GK5: variants seen among roughly 807,000 people sequenced by gnomAD.
GK5 encodes the protein glycerol kinase 5, also known as ATP:glycerol 3-phosphotransferase 5.
In GK5, 39 loss-of-function variants were observed where a neutral mutation model predicts 77.3. The observed-to-expected ratio is 0.50, with a 90% CI of 0.39 to 0.66. The LOEUF is 0.66. GK5 is among the 30% of genes least tolerant of loss of function. The probability of loss-of-function intolerance (pLI) is 0.00; values close to 1 mark genes in which losing one functional copy is unlikely to be tolerated. For missense variants in GK5, 487 were observed against 633.8 expected, an observed-to-expected ratio of 0.77 and a Z score of 2.49; for synonymous variants, 211 against 208.0, an observed-to-expected ratio of 1.01 and a Z score of -0.13.
intron 11 of GK5, 87 bp downstream of exon 11, chr3:142,181,374 C>A: frequency 1.5e-6 from 1 of 661,304 alleles, no homozygotes; most frequent in Non-Finnish European, 2.6e-6. Flanking sequence ...TTTGAACAAT[C>A]CATTTGCTTC....
chr3:142,199,751 T>A (rs2063989430), intron 4 of GK5, among the ~76,000 whole-genome samples: 1 of 150,992 alleles, frequency 6.6e-6, no homozygotes, highest in African/African-American at 2.4e-5. Flanking sequence ...AGTTTTAAGG[T>A]CTTTAAGACA....
At chr3:142,213,056 G>A (rs185239384) in intron 3 of GK5, among the ~76,000 whole-genome samples, 5 of 151,788 alleles carry the variant, frequency 3.3e-5, no homozygotes, top group Admixed American at 3.3e-4. Flanking sequence ...GGATGGTCTC[G>A]ATCTCCTGAC....
chr3:142,190,457 GA>G (rs1448641627), intron 5 of GK5, among the ~76,000 whole-genome samples: 1 of 152,042 alleles, frequency 6.6e-6, no homozygotes, highest in Non-Finnish European at 1.5e-5. Context: ...TGGGCTTTCA[GA>G]AAAAAAGATA....
intron 4 of GK5, among the ~76,000 whole-genome samples, 157 bp from the exon 5 acceptor site, chr3:142,199,090 TC>T (rs2063979406): frequency 6.6e-6 from 1 of 152,184 alleles, no homozygotes; most frequent in Non-Finnish European, 1.5e-5. Context: ...AGCAATATTA[TC>T]CTAAATGGGC....
Position 142,172,435 on chromosome 3 carries a change from C to T in GK5, c.1165G>A (p.Ala389Thr). The T allele has an allele frequency of 6.3e-7, 1 of 1,596,170 alleles. No individual in the cohort carries two copies. Reference protein sequence around the residue: ...GLQAPLNDPWACASFMGLKPS... With the variant: ...GLQAPLNDPWTCASFMGLKPS... ...TTCAAACCCATAAAAGAGGCACATG[C>T]CCAGGGGTCATTTAATGGAGCCTAC... The change falls in exon 13 of 16, where the codon GCA becomes ACA. Residue 389 changes from alanine to threonine, a missense_variant. This residue lies in a region of GK5 where 323 missense variants were observed against 437.4 expected (regional missense o/e 0.74). Transcript: ENST00000392993.
intron 3 of GK5, among the ~76,000 whole-genome samples, chr3:142,206,724 C>G (rs11706603): frequency 0.7 from 107,218 of 152,134 alleles, 38,319 homozygotes; most frequent in African/African-American, 0.81. Context: ...CATTCCATGA[C>G]TTGTTTTAGA....
chr3:142,170,072 C>T (rs973230236), intron 15 of GK5: 16 of 535,094 alleles, frequency 3.0e-5, no homozygotes, highest in Non-Finnish European at 5.1e-5. Flanking sequence ...TAGAGACTGA[C>T]GCAGCTGAGA....
At chr3:142,202,723 G>A (rs1359138699) in intron 4 of GK5, among the ~76,000 whole-genome samples, 1 of 152,172 alleles carries the variant, frequency 6.6e-6, no homozygotes, top group Non-Finnish European at 1.5e-5. Context: ...TTGGGAGGCT[G>A]AGGTGGGCGG....
At chr3:142,223,588 CA>C (rs1259257668) in intron 1 of GK5, among the ~76,000 whole-genome samples, 11 of 152,240 alleles carry the variant, frequency 7.2e-5, no homozygotes, top group Non-Finnish European at 1.5e-4. Flanking sequence ...CCTATAATCC[CA>C]GTGCTCTGGG....
chr3:142,212,834 T>TTTTTTTC (rs1481165520), intron 3 of GK5, among the ~76,000 whole-genome samples: 1 of 148,298 alleles, frequency 6.7e-6, no homozygotes, highest in African/African-American at 2.5e-5. Flanking sequence ...ATTTTCTTTT[T>TTTTTTTC]TTTTTCTTTT....
At chr3:142,170,521 G>T in intron 14 of GK5, 63 bp from the exon 15 acceptor site, 3 of 1,364,978 alleles carry the variant, frequency 2.2e-6, no homozygotes, top group East Asian at 2.4e-5. Context: ...TTTTCAGTGG[G>T]CCACATTTTT....
At chr3:142,169,973 CA>C (rs1352008972) in intron 15 of GK5, among the ~76,000 whole-genome samples, 1 of 152,052 alleles carries the variant, frequency 6.6e-6, no homozygotes, top group Non-Finnish European at 1.5e-5. Context: ...GCACCTGGCT[CA>C]CCTTATTGTT....
At chr3:142,186,540 T>G in intron 6 of GK5, 27 bp from the exon 7 acceptor site, 1 of 1,100,760 alleles carries the variant, frequency 9.1e-7, no homozygotes, top group Non-Finnish European at 1.3e-6. Context: ...AATAATACAT[T>G]TATTATCAGA....
Position 142,225,389 on chromosome 3 carries a change from C to G in GK5, c.67G>C (p.Gly23Arg). The G allele has an allele frequency of 3.8e-6, 6 of 1,597,366 alleles. No homozygotes were observed. Among genetic ancestry groups the G allele is most frequent in the Non-Finnish European group, 8.5e-7 (1 of 1,173,812 alleles). The change falls in exon 1 of 16, where the codon GGG becomes CGG. Residue 23 changes from glycine (G) to arginine (R), a missense_variant. Gly to Arg is a moderately radical substitution (Grantham distance 125, BLOSUM62 -2). Around this residue, in one of 4 missense-constraint regions of GK5, gnomAD observed 97 missense variants for 86.9 expected, o/e 1.12. Transcript: ENST00000392993. ...QEPRYPGFVL[G>R]LDVGSSVIRC... ...ATCACAGAACTGCCCACATCCAGCC[C>G]CAGCACGAAGCCGGGGTACCGCGGC...
In GK5 at chr3:142,159,847, C is replaced by CTTTTTTTTTTTTTTTTTTTTTTTTTTTT. The variant is rs1407448771; in HGVS notation, c.*5774_*5775insAAAAAAAAAAAAAAAAAAAAAAAAAAAA. On this transcript the variant is annotated 3_prime_UTR_variant, in exon 16 of 16. Coordinates refer to ENST00000392993, the MANE Select transcript of GK5 (RefSeq NM_001039547.3). ...TGGGGCTTTCTCTCTCTCTCTCTCT[C>CTTTTTTTTTTTTTTTTTTTTTTTTTTTT]TCTCTCTTTTTTTTTTTTGAGACAG... 2.9e-5 allele frequency: 3 copies of CTTTTTTTTTTTTTTTTTTTTTTTTTTTT among 103,154 alleles called. No individual in the cohort carries two copies. The highest frequency in any genetic ancestry group is 8.9e-5 in the Admixed American group (1 of 11,246). The allele number at this position is 103,154 out of a possible 1,614,324, so 6.4% of individuals were successfully genotyped here.
intron 9 of GK5, among the ~76,000 whole-genome samples, chr3:142,183,987 G>A (rs1054003692): frequency 6.6e-6 from 1 of 151,702 alleles, no homozygotes; most frequent in African/African-American, 2.4e-5. Context: ...GGCCAGGCGC[G>A]GTGACTCACG....
chr3:142,185,495 TA>T, intron 9 of GK5: 2 of 996,046 alleles, frequency 2.0e-6, no homozygotes, highest in Non-Finnish European at 2.4e-6. Flanking sequence ...CTAAGGACTT[TA>T]TTAAATGTAC....
At chr3:142,187,182 T>C (rs556673044) in intron 6 of GK5, among the ~76,000 whole-genome samples, 6 of 152,196 alleles carry the variant, frequency 3.9e-5, no homozygotes, top group Non-Finnish European at 8.8e-5. Flanking sequence ...TATTGAAGTT[T>C]CATCACAATT....
chr3:142,225,521 C>A lies in GK5; in HGVS notation c.-66G>T, dbSNP rs565871640. On this transcript the variant is annotated 5_prime_UTR_variant, in exon 1 of 16. Transcript: ENST00000392993. The stretch of plus-strand genomic sequence containing the variant: ...AGGGCGCGCTACAAATCCCAATGCT[C>A]CAGAGTCCCCGGGCGGCCCAACCCG... 11 of 1,545,766 alleles carry A rather than the reference C, an allele frequency of 7.1e-6. No homozygotes were observed. The East Asian group carries it at 2.5e-4, about 34-fold the overall frequency.
Sources: allele counts gnomAD v4.1 joint callset (sites outside exome capture counted in the v4.1 genomes callset), GRCh38; gene constraint gnomAD v4.1.1; regional missense constraint gnomAD v4.1.1; transcripts MANE v1.5; gene names NCBI Gene and HGNC (gene_info 2026-07-23, HGNC 2026-07-21).